Variants in GRAMD1A observed in about 807,000 individuals in gnomAD.
GRAMD1A encodes the protein GRAM domain containing 1A, also known as protein Aster-A.
In GRAMD1A, 50 loss-of-function variants were observed where a neutral mutation model predicts 92.0. The ratio of observed to expected loss-of-function variants is 0.54; its 90% CI spans 0.43 to 0.69. The LOEUF is 0.69. Ranked by LOEUF, GRAMD1A falls within the 30% of genes least tolerant of loss-of-function variation. The pLI is 0.00. For missense variants in GRAMD1A, 819 were observed against 978.9 expected (o/e 0.84, Z 2.18); for synonymous variants, 405 against 403.6 (o/e 1.00, Z -0.04).
At chr19:35,008,745 A>C (rs1040007350) in intron 1 of GRAMD1A, among the ~76,000 whole-genome samples, 7 of 152,164 alleles carry the variant, frequency 4.6e-5, no homozygotes, top group African/African-American at 1.7e-4. Context: ...TGAACCCAGG[A>C]GGCAGAGTTT....
rs1006954064 is a variant in GRAMD1A, at chr19:35,019,267, C to A, written c.1290C>A (p.Ser430Arg). The change falls in exon 12 of 20, where the codon AGC becomes AGA. Residue 430 changes from serine to arginine, a missense_variant. Physicochemically the swap from Ser to Arg is moderately radical, Grantham distance 110 (BLOSUM62 -1). Coordinates refer to ENST00000317991, the MANE Select transcript of GRAMD1A (RefSeq NM_020895.5). The part of the protein sequence containing the change: ...RRVLTYTIPI[S>R]NPLGPKSASV... The stretch of plus-strand genomic sequence containing the variant: ...TGCTGACGTACACCATCCCCATCAG[C>A]AACCCACTGGGCCCCAAGAGCGCCT... The A allele has an allele frequency of 6.2e-7, 1 of 1,613,470 alleles. No individual in the cohort carries two copies. The highest frequency in any genetic ancestry group is 1.3e-5 in the African/African-American group (1 of 74,910).
chr19:34,995,575 T>TTTTTTTTG (rs2013997249), upstream of GRAMD1A, among the ~76,000 whole-genome samples: 1 of 129,190 alleles, frequency 7.7e-6, no homozygotes, highest in African/African-American at 3.4e-5. Context: ...TCACGGGTTT[T>TTTTTTTTG]TTTTTTTTTT....
In GRAMD1A at chr19:35,021,496, C is replaced by T. The variant is rs117408896; in HGVS notation, c.1476-6C>T. The T allele has an allele frequency of 0.041, 65,329 of 1,608,254 alleles. 1,534 individuals are homozygous for T. Among genetic ancestry groups the T allele is most frequent in the Admixed American group, 0.069 (4,135 of 60,020 alleles). Reference sequence around the variant, plus strand: ...TTACCTCCTTCCCCTGATCTCCCAACCCCAGAGTGTCTTCTGAGATCCGCT... The same window carrying T: ...TTACCTCCTTCCCCTGATCTCCCAATCCCAGAGTGTCTTCTGAGATCCGCT... On this transcript the variant is annotated splice_polypyrimidine_tract_variant and splice_region_variant and intron_variant, in intron 13 of 19. Coordinates refer to ENST00000317991, the MANE Select transcript of GRAMD1A (RefSeq NM_020895.5). This position sits in a 1 kb window ranked among gnomAD's most constrained non-coding sequence, Gnocchi z 5.3.
At chr19:35,011,593 C>T (rs773033240) in intron 7 of GRAMD1A, 39 bp downstream of exon 7, 1 of 1,439,126 alleles carries the variant, frequency 6.9e-7, no homozygotes, top group Admixed American at 1.7e-5. Context: ...TGGGGGGTTT[C>T]CAGGGGGACC....
chr19:35,011,611 C>T lies in GRAMD1A; in HGVS notation c.606+57C>T, dbSNP rs557070038. On this transcript the variant is annotated intron_variant, in intron 7 of 19. Transcript: ENST00000317991. ...GGGGTTTCCAGGGGGACCATGGAGC[C>T]AGGGACCCCAGAACTTGCGGAGCTG... is the stretch of plus-strand genomic sequence containing the variant. The T allele has an allele frequency of 8.0e-5, 100 of 1,256,940 alleles. No homozygotes were observed. The Admixed American group carries it at 1.7e-3, about 22-fold the overall frequency. 77.9% of individuals were successfully genotyped at this position (1,256,940 alleles called of 1,614,324 possible).
upstream of GRAMD1A, chr19:34,995,874 C>T (rs1423802086): frequency 1.5e-5 from 10 of 645,946 alleles, no homozygotes; most frequent in African/African-American, 9.2e-5. Context: ...TGAGCCACTG[C>T]GCCTGGTCCC....
chr19:35,019,549 G>A lies in GRAMD1A; in HGVS notation c.1475+16G>A, dbSNP rs1233581312. The A allele has an allele frequency of 6.2e-7, 1 of 1,612,842 alleles. No individual in the cohort carries two copies. The highest frequency in any genetic ancestry group is 1.7e-5 in the Admixed American group (1 of 60,014). ...CGCGGCTCCGGTGAGTGGTGGCTGG[G>A]CCCCTCCACCCGATGCCCTGGTGGC... On this transcript the variant is annotated intron_variant, in intron 13 of 19. Coordinates refer to ENST00000317991, the MANE Select transcript of GRAMD1A (RefSeq NM_020895.5).
chr19:34,995,571 G>GTTTTT (rs59556577), upstream of GRAMD1A, among the ~76,000 whole-genome samples: 5 of 93,652 alleles, frequency 5.3e-5, no homozygotes, highest in Non-Finnish European at 8.9e-5. Context: ...CAGATCACGG[G>GTTTTT]TTTTTTTTTT....
intron 6 of GRAMD1A, chr19:35,010,734 G>T: frequency 1.9e-6 from 1 of 526,578 alleles, no homozygotes; most frequent in Non-Finnish European, 3.3e-6. Flanking sequence ...TTTCTCACCA[G>T]CGGTCCAACA....
chr19:35,000,270 G>A (rs1466653135), upstream of GRAMD1A: 5 of 1,028,668 alleles, frequency 4.9e-6, no homozygotes, highest in South Asian at 4.6e-5. This position sits in a 1 kb window ranked among gnomAD's most constrained non-coding sequence, Gnocchi z 4.9. Flanking sequence ...GCGGCGGGGC[G>A]GGGGAAGGAA....
rs1253350590 is a variant in GRAMD1A at position 35,011,527 on chromosome 19, C to A, written c.579C>A (p.Arg193=). The A allele has an allele frequency of 1.2e-6, 2 of 1,611,490 alleles. No individual in the cohort carries two copies. The highest frequency in any genetic ancestry group is 1.3e-5 in the African/African-American group (1 of 74,918). ...ACCGCTGCTTCCTCCTCATCTTCCG[C>A]CTCTGGCAGAATGCACTGCTTGAAA... ...ARDRCFLLIF[R]LWQNALLEKT... is the part of the protein sequence containing the mutation. Residue 193 remains arginine, a synonymous_variant, in exon 7 of 20, where the codon CGC becomes CGA. Coordinates refer to ENST00000317991, the MANE Select transcript of GRAMD1A (RefSeq NM_020895.5).
chr19:35,010,980 C>T (rs1054200666), intron 6 of GRAMD1A, among the ~76,000 whole-genome samples: 4 of 151,722 alleles, frequency 2.6e-5, no homozygotes, highest in Admixed American at 2.6e-4. Flanking sequence ...CACCTGTAGT[C>T]CCAGCTACTC....
At position 35,000,638 on chromosome 19, in the gene GRAMD1A, G is replaced by C. The variant is rs2014291046; in HGVS notation, c.8+152G>C. 2.1e-6 allele frequency: 1 copy of C among 470,972 alleles called. No individual in the cohort carries two copies. Among genetic ancestry groups the C allele is most frequent in the Non-Finnish European group, 3.2e-6 (1 of 308,792 alleles). 29.2% of individuals were successfully genotyped at this position (470,972 alleles called of 1,614,324 possible). The stretch of plus-strand genomic sequence containing the variant: ...CTCTGGCCGGGGCGATCGGGGTGGG[G>C]GCGGGGCAGGGGGCCCCCGGGCGAG... On this transcript the variant is annotated intron_variant, in intron 1 of 19. Transcript: ENST00000317991. This position sits in a 1 kb window ranked among gnomAD's most constrained non-coding sequence, Gnocchi z 4.9.
rs768025440 is a variant in GRAMD1A at position 35,019,279 on chromosome 19, C to T, written c.1302C>T (p.Gly434=). ...TYTIPISNPL[G]PKSASVVETQ... ...CCATCCCCATCAGCAACCCACTGGGCCCCAAGAGCGCCTCCGTGGTGGAGA... is the reference window on the plus strand; with the variant it reads ...CCATCCCCATCAGCAACCCACTGGGTCCCAAGAGCGCCTCCGTGGTGGAGA... The change falls in exon 12 of 20, where the codon GGC becomes GGT. Residue 434 remains glycine, a synonymous_variant. Coordinates refer to ENST00000317991, the MANE Select transcript of GRAMD1A (RefSeq NM_020895.5). The T allele has an allele frequency of 3.7e-6, 6 of 1,613,416 alleles. No homozygotes were observed. The highest frequency in any genetic ancestry group is 5.1e-6 in the Non-Finnish European group (6 of 1,179,570).
chr19:35,005,075 CAAGTTCTA>C (rs2014696865), intron 1 of GRAMD1A, among the ~76,000 whole-genome samples: 1 of 151,940 alleles, frequency 6.6e-6, no homozygotes, highest in Admixed American at 6.6e-5. Flanking sequence ...TGCTGGAACC[CAAGTTCTA>C]TGGGGGGCGG....
intron 11 of GRAMD1A, among the ~76,000 whole-genome samples, chr19:35,017,326 T>C (rs2015712098): frequency 6.6e-6 from 1 of 152,134 alleles, no homozygotes; most frequent in Non-Finnish European, 1.5e-5. Context: ...AATGGCCTAA[T>C]ACAGAGCTCC....
chr19:35,015,797 T>C, intron 10 of GRAMD1A, 27 bp from the exon 11 acceptor site: 2 of 1,606,658 alleles, frequency 1.2e-6, no homozygotes, highest in Non-Finnish European at 1.7e-6. Flanking sequence ...GAGGCAGTCA[T>C]CATCCTCGGC....
At chr19:35,016,005 G>C (rs1286492306) in intron 11 of GRAMD1A, 38 bp downstream of exon 11, 2 of 1,601,194 alleles carry the variant, frequency 1.2e-6, no homozygotes, top group South Asian at 1.1e-5. Context: ...AGGTTACCCA[G>C]GTGCAGGGGA....
At chr19:35,004,220 A>G (rs1253024682) in intron 1 of GRAMD1A, among the ~76,000 whole-genome samples, 2 of 152,026 alleles carry the variant, frequency 1.3e-5, no homozygotes, top group Admixed American at 6.6e-5. Context: ...AGGAGTTCGG[A>G]GCTGCCGTTA....
Sources: allele counts gnomAD v4.1 joint callset (sites outside exome capture counted in the v4.1 genomes callset), GRCh38; gene constraint gnomAD v4.1.1; non-coding constraint Gnocchi (gnomAD v3.1); transcripts MANE v1.5; gene names NCBI Gene and HGNC (gene_info 2026-07-23, HGNC 2026-07-21).